Variants in FNDC3B observed in about 807,000 individuals in gnomAD.
FNDC3B encodes fibronectin type III domain containing 3B.
FNDC3B carries 12 observed loss-of-function variants against 151.5 expected under a neutral mutation model. The ratio of observed to expected loss-of-function variants is 0.08; its 90% confidence interval spans 0.05 to 0.13. FNDC3B has a LOEUF of 0.13. FNDC3B is among the 10% of genes least tolerant of loss of function. The pLI is 1.00. For missense variants in FNDC3B, 1,214 were observed against 1,505.3 expected (o/e 0.81, Z 3.20); for synonymous variants, 528 against 549.0 (o/e 0.96, Z 0.54).
intron 25 of FNDC3B, among the ~76,000 whole-genome samples, chr3:172,390,851 A>G (rs1229962233): frequency 1.3e-5 from 2 of 152,110 alleles, no homozygotes; most frequent in African/African-American, 2.4e-5. Flanking sequence ...GCTTTCAATA[A>G]CATCATAAAA....
chr3:172,126,897 A>G (rs1445814021), intron 2 of FNDC3B: 1 of 368,052 alleles, frequency 2.7e-6, no homozygotes. Flanking sequence ...TTGTAGATGT[A>G]AAGGGCTTAG....
rs111452983 is a variant in FNDC3B at position 172,143,268 on chromosome 3, G to A, written c.187+9722G>A. 8.9e-3 allele frequency among the ~76,000 whole-genome samples: 1,353 copies of A among 152,224 alleles called. 17 individuals are homozygous for A. The highest frequency in any genetic ancestry group is 0.031 in the African/African-American group (1,307 of 41,512). On this transcript the variant is annotated intron_variant, in intron 3 of 25. Transcript: ENST00000415807. ...CCTCAATTTAAGATAATGAATACAG[G>A]CATGAGTGTGTTTCCAAAAACAGTA...
intron 13 of FNDC3B, 97 bp downstream of exon 13, chr3:172,330,812 A>G (rs1461575762): frequency 5.5e-6 from 5 of 916,722 alleles, no homozygotes; most frequent in Non-Finnish European, 8.2e-6. Context: ...GCATCAGTTC[A>G]AAGCCAAACT....
chr3:172,186,023 A>G (rs1724157989), intron 3 of FNDC3B, among the ~76,000 whole-genome samples: 1 of 152,234 alleles, frequency 6.6e-6, no homozygotes, highest in Non-Finnish European at 1.5e-5. Context: ...ATGGTTATAG[A>G]TCTTACAAGT....
intron 3 of FNDC3B, among the ~76,000 whole-genome samples, chr3:172,140,406 A>G (rs891433979): frequency 2.0e-5 from 3 of 152,210 alleles, no homozygotes; most frequent in Non-Finnish European, 4.4e-5. Context: ...AATTACTTTC[A>G]GCTTTGTGGA....
Position 172,224,581 on chromosome 3 carries a change from G to C in FNDC3B, c.188-2290G>C, listed in dbSNP as rs115459606. On this transcript the variant is annotated intron_variant, in intron 3 of 25. Transcript: ENST00000415807. The stretch of plus-strand genomic sequence containing the variant: ...CAGACTTGTTCATATGCTCACCAGT[G>C]TCCCTGTCCCTTTCCCCCTGCTGAG... Among the ~76,000 whole-genome samples the C allele has an allele frequency of 5.2e-3, 787 of 152,234 alleles. 10 individuals are homozygous for C. The highest frequency in any genetic ancestry group is 0.017 in the African/African-American group (719 of 41,524).
rs907888078 is a variant in FNDC3B at position 172,400,793 on chromosome 3, T to C, written c.*3318T>C. 1 of 150,750 alleles carries C rather than the reference T, an allele frequency of 6.6e-6. No homozygotes were observed. Among genetic ancestry groups the C allele is most frequent in the Non-Finnish European group, 1.5e-5 (1 of 67,740 alleles). The allele number at this position is 150,750 out of a possible 1,614,324, so 9.3% of individuals were successfully genotyped here. A position where few individuals can be genotyped will look rare whatever the true frequency, so the allele number is the denominator to read the frequency against. The stretch of plus-strand genomic sequence containing the variant: ...TTTTTTTTGAGACGGAGTCTTGCTC[T>C]GTCGCCAGGCTGGAGTGCAGTGGCG... On this transcript the variant is annotated 3_prime_UTR_variant, in exon 26 of 26. Coordinates refer to ENST00000415807, the MANE Select transcript of FNDC3B (RefSeq NM_022763.4).
chr3:172,196,769 G>T (rs116012231), intron 3 of FNDC3B, among the ~76,000 whole-genome samples: 2 of 152,144 alleles, frequency 1.3e-5, no homozygotes, highest in African/African-American at 4.8e-5. Flanking sequence ...GGCACCTCAC[G>T]TTTCGCTTTT....
intron 6 of FNDC3B, among the ~76,000 whole-genome samples, chr3:172,274,007 C>A (rs1729323931): frequency 6.6e-6 from 1 of 152,198 alleles, no homozygotes; most frequent in Non-Finnish European, 1.5e-5. Flanking sequence ...TGTAACATGT[C>A]TTTTGGAAGC....
At chr3:172,297,694 T>A (rs1274395704) in intron 8 of FNDC3B, among the ~76,000 whole-genome samples, 1 of 152,078 alleles carries the variant, frequency 6.6e-6, no homozygotes, top group Non-Finnish European at 1.5e-5. Context: ...CAGGATGGTC[T>A]CGATCTCCTG....
At chr3:172,365,650 T>C (rs1205207379) in intron 23 of FNDC3B, among the ~76,000 whole-genome samples, 3 of 152,168 alleles carry the variant, frequency 2.0e-5, no homozygotes, top group South Asian at 2.1e-4. Context: ...CTTACAATAC[T>C]GAAGAGTCCC....
chr3:172,315,799 T>C (rs570273591), intron 11 of FNDC3B, among the ~76,000 whole-genome samples: 26 of 152,092 alleles, frequency 1.7e-4, no homozygotes, highest in African/African-American at 6.3e-4. Context: ...AGCAAAACAA[T>C]GACTAGATGC....
At chr3:172,093,841 C>T (rs1718968382) in intron 1 of FNDC3B, among the ~76,000 whole-genome samples, 2 of 152,206 alleles carry the variant, frequency 1.3e-5, no homozygotes, top group Non-Finnish European at 2.9e-5. Flanking sequence ...ATCTAGGCCT[C>T]CCTTCAGAGA....
chr3:172,297,659 A>G lies in FNDC3B; in HGVS notation c.1002-1069A>G, dbSNP rs578213439. On this transcript the variant is annotated intron_variant, in intron 8 of 25. Coordinates refer to ENST00000415807, the MANE Select transcript of FNDC3B (RefSeq NM_022763.4). ...CCGGCTAATTTTTTGTATTTTTAGT[A>G]GAGACGGGGTTTCACCGTGTTAGCC... Among the ~76,000 whole-genome samples the G allele has an allele frequency of 3.0e-3, 461 of 152,238 alleles. 7 individuals carry two copies. Among genetic ancestry groups the G allele is most frequent in the Middle Eastern group, 0.014 (4 of 294 alleles).
Position 172,239,853 on chromosome 3 carries a change from G to GTTTTTTT in FNDC3B, c.265-7678_265-7677insTTTTTTT, listed in dbSNP as rs1195281476. Among the ~76,000 whole-genome samples the GTTTTTTT allele has an allele frequency of 8.7e-4, 57 of 65,864 alleles. 4 individuals are homozygous for GTTTTTTT. Among genetic ancestry groups the GTTTTTTT allele is most frequent in the African/African-American group, 3.1e-3 (54 of 17,682 alleles). The allele number at this position is 65,864 out of a possible 152,430, so 43.2% of individuals were successfully genotyped here. ...AAATGTTTTTAGGAGATCCATTTTA[G>GTTTTTTT]TTCTTTTTTTTTTTTTTTTTTTTTT... is the stretch of plus-strand genomic sequence containing the variant. On this transcript the variant is annotated intron_variant, in intron 4 of 25. Coordinates refer to ENST00000415807, the MANE Select transcript of FNDC3B (RefSeq NM_022763.4).
At chr3:172,186,971 T>C in intron 3 of FNDC3B, 1 of 464,902 alleles carries the variant, frequency 2.2e-6, no homozygotes, top group Non-Finnish European at 3.8e-6. Context: ...GGAACTATAT[T>C]ATTAACAATC....
chr3:172,205,920 T>C (rs773561375), intron 3 of FNDC3B, among the ~76,000 whole-genome samples: 2 of 152,200 alleles, frequency 1.3e-5, no homozygotes, highest in African/African-American at 2.4e-5. Context: ...CAGAACTTAA[T>C]TGAGAGCTTG....
intron 3 of FNDC3B, among the ~76,000 whole-genome samples, chr3:172,210,721 G>T (rs1413487194): frequency 1.3e-5 from 2 of 152,198 alleles, no homozygotes; most frequent in East Asian, 1.9e-4. Flanking sequence ...AAAATGAAAA[G>T]ATTTGCACAT....
intron 1 of FNDC3B, among the ~76,000 whole-genome samples, chr3:172,089,733 ATC>A (rs1718714140): frequency 6.6e-6 from 1 of 152,084 alleles, no homozygotes; most frequent in African/African-American, 2.4e-5. Context: ...AGGTTTGAAA[ATC>A]TCAGTGTCGA....
Sources: gnomAD v4.1 joint callset for allele counts (sites outside exome capture counted in the v4.1 genomes callset) on GRCh38, gnomAD v4.1.1 for gene constraint, MANE v1.5 for transcripts, NCBI Gene and HGNC (gene_info 2026-07-23, HGNC 2026-07-21) for gene names.